The following GXYLT2 variants were observed in gnomAD, a reference collection of about 807,000 sequenced individuals.
The protein encoded by GXYLT2 is glucoside xylosyltransferase 2, also known as glycosyltransferase 8 domain containing 4.
A neutral mutation model predicts 45.8 loss-of-function variants in GXYLT2; 53 were observed. That is an observed-to-expected ratio of 1.16 (90% CI 0.93 to 1.46). GXYLT2 has a LOEUF of 1.46. GXYLT2 is among the 40% of genes most tolerant of loss of function. The pLI, the probability that GXYLT2 is intolerant of heterozygous loss-of-function variation, is 0.00. For synonymous variants in GXYLT2, 219 were observed against 214.2 expected (o/e 1.02, Z -0.19); for missense variants, 551 against 544.4 (o/e 1.01, Z -0.12).
intron 3 of GXYLT2, among the ~76,000 whole-genome samples, chr3:72,944,488 C>T (rs920922049): frequency 4.6e-5 from 7 of 152,000 alleles, no homozygotes; most frequent in Non-Finnish European, 7.4e-5. Context: ...CTCCTGACCT[C>T]GAGTGATCCG....
At chr3:72,903,170 A>G (rs1709438941) in intron 1 of GXYLT2, among the ~76,000 whole-genome samples, 1 of 152,196 alleles carries the variant, frequency 6.6e-6, no homozygotes, top group South Asian at 2.1e-4. Flanking sequence ...TGGAGTCTCA[A>G]TGTTTACTAG....
At chr3:72,973,978 T>A (rs1711044256) in intron 6 of GXYLT2, among the ~76,000 whole-genome samples, 1 of 152,212 alleles carries the variant, frequency 6.6e-6, no homozygotes, top group Non-Finnish European at 1.5e-5. Context: ...TATTTCTGAT[T>A]AATTTTAAAG....
intron 3 of GXYLT2, among the ~76,000 whole-genome samples, chr3:72,924,585 A>G (rs1328006263): frequency 6.6e-6 from 1 of 152,076 alleles, no homozygotes; most frequent in Non-Finnish European, 1.5e-5. Context: ...GTTTTAGAGA[A>G]GACACTCTGG....
At chr3:72,919,072 G>A (rs888412752) in intron 2 of GXYLT2, among the ~76,000 whole-genome samples, 7 of 152,160 alleles carry the variant, frequency 4.6e-5, no homozygotes, top group African/African-American at 1.7e-4. Flanking sequence ...AGACGGTTTG[G>A]CAGTTTCTTA....
In GXYLT2 at chr3:72,975,377, A is replaced by G; in HGVS notation, c.*218A>G. 2.5e-6 allele frequency: 1 copy of G among 399,948 alleles called. No individual in the cohort carries two copies. 24.8% of individuals were successfully genotyped at this position (399,948 alleles called of 1,614,324 possible). On this transcript the variant is annotated 3_prime_UTR_variant, in exon 7 of 7. Transcript: ENST00000389617. Reference sequence around the variant, plus strand: ...TGCTATTTATCTCTAAGGAAAAAAAAAAAAGACTATTACTCATTTAACATT... The same window carrying G: ...TGCTATTTATCTCTAAGGAAAAAAAGAAAAGACTATTACTCATTTAACATT...
At chr3:72,891,575 C>T (rs191253631) in intron 1 of GXYLT2, among the ~76,000 whole-genome samples, 36 of 152,306 alleles carry the variant, frequency 2.4e-4, no homozygotes, top group African/African-American at 8.4e-4. Flanking sequence ...AAAATGGACA[C>T]CATTCTGGAA....
At chr3:72,918,572 C>T (rs894225668) in intron 2 of GXYLT2, among the ~76,000 whole-genome samples, 1 of 152,122 alleles carries the variant, frequency 6.6e-6, no homozygotes, top group African/African-American at 2.4e-5. Flanking sequence ...TGCGTGTAAT[C>T]CTAGCACTTT....
At chr3:72,921,151 A>C (rs1403079515) in intron 2 of GXYLT2, among the ~76,000 whole-genome samples, 3 of 151,572 alleles carry the variant, frequency 2.0e-5, no homozygotes, top group Non-Finnish European at 4.4e-5. Flanking sequence ...ATAAGACAGA[A>C]CCATTCATTC....
chr3:72,928,932 C>T, intron 3 of GXYLT2: 1 of 724,558 alleles, frequency 1.4e-6, no homozygotes, highest in South Asian at 1.5e-5. Flanking sequence ...CCCGGCCGGC[C>T]GCCCATAGCC....
intron 5 of GXYLT2, among the ~76,000 whole-genome samples, chr3:72,963,736 G>A (rs865956092): frequency 6.9e-6 from 1 of 145,814 alleles, no homozygotes; most frequent in Non-Finnish European, 1.5e-5. Flanking sequence ...GCAATGGCAC[G>A]ATCTTGGCTC....
intron 6 of GXYLT2, among the ~76,000 whole-genome samples, chr3:72,973,761 C>T (rs1711041134): frequency 6.6e-6 from 1 of 152,022 alleles, no homozygotes; most frequent in South Asian, 2.1e-4. Context: ...AAGGTTTTGA[C>T]CTATCCTGTT....
intron 1 of GXYLT2, among the ~76,000 whole-genome samples, chr3:72,904,587 A>C (rs1709468747): frequency 6.6e-6 from 1 of 152,010 alleles, no homozygotes; most frequent in Non-Finnish European, 1.5e-5. Context: ...TGAAGCCTGC[A>C]AAGAAGAGAA....
intron 1 of GXYLT2, among the ~76,000 whole-genome samples, chr3:72,906,596 T>C (rs1709514654): frequency 6.6e-6 from 1 of 152,240 alleles, no homozygotes; most frequent in Non-Finnish European, 1.5e-5. Context: ...TGCAGGCGTC[T>C]TTGTTTTGTT....
rs1711111955 is a variant in GXYLT2, at chr3:72,976,784, C to G, written c.*1625C>G. ...TCCTGAATCATCTCTATAAGGCAAA[C>G]AAGGAAATTGTAACACAAAGAAATA... On this transcript the variant is annotated 3_prime_UTR_variant, in exon 7 of 7. Coordinates refer to ENST00000389617, the MANE Select transcript of GXYLT2 (RefSeq NM_001080393.2). 6.6e-6 allele frequency: 1 copy of G among 152,064 alleles called. No homozygotes were observed. 9.4% of individuals were successfully genotyped at this position (152,064 alleles called of 1,614,324 possible).
intron 6 of GXYLT2, among the ~76,000 whole-genome samples, chr3:72,974,310 A>T (rs922368584): frequency 6.6e-6 from 1 of 152,230 alleles, no homozygotes; most frequent in African/African-American, 2.4e-5. Context: ...AGAGGGAAAT[A>T]AACAACCACT....
chr3:72,959,057 C>T (rs549231858), intron 5 of GXYLT2, among the ~76,000 whole-genome samples: 1 of 150,414 alleles, frequency 6.6e-6, no homozygotes, highest in African/African-American at 2.4e-5. Flanking sequence ...ATCCTCCCAC[C>T]TCAGCCTCCC....
At chr3:72,912,089 C>A (rs1162603947) in intron 2 of GXYLT2, among the ~76,000 whole-genome samples, 3 of 149,326 alleles carry the variant, frequency 2.0e-5, no homozygotes, top group African/African-American at 7.5e-5. Context: ...TAGCTCACAG[C>A]ATTCTCCGCC....
chr3:72,909,067 T>C (rs1297315543), intron 2 of GXYLT2, among the ~76,000 whole-genome samples: 1 of 106,204 alleles, frequency 9.4e-6, no homozygotes, highest in African/African-American at 4.9e-5. Context: ...CCTTTCTTTT[T>C]TTTTTTTTTT....
Position 72,896,915 on chromosome 3 carries a change from C to T in GXYLT2, c.275+8407C>T, listed in dbSNP as rs116803689. Among the ~76,000 whole-genome samples, 981 of 151,836 alleles carry T rather than the reference C, an allele frequency of 6.5e-3. 12 individuals are homozygous for T. Among genetic ancestry groups the T allele is most frequent in the African/African-American group, 0.023 (936 of 41,390 alleles). On this transcript the variant is annotated intron_variant, in intron 1 of 6. Transcript: ENST00000389617. ...GTTTTGTAGTAAGGTAGAATGTTGA[C>T]ACATAAAATAACATGCTTTTTGCTG...
Sources: gnomAD v4.1 joint callset for allele counts (sites outside exome capture counted in the v4.1 genomes callset) on GRCh38, gnomAD v4.1.1 for gene constraint, MANE v1.5 for transcripts, NCBI Gene and HGNC (gene_info 2026-07-23, HGNC 2026-07-21) for gene names.